SLC25A28: variants seen among roughly 807,000 people sequenced by gnomAD.
SLC25A28 encodes the protein mitoferrin-2.
Under a neutral mutation model 31.9 loss-of-function variants are expected in SLC25A28, and 10 were observed. The ratio of observed to expected loss-of-function variants is 0.31; its 90% CI spans 0.19 to 0.53. The LOEUF is 0.53. Among genes scored for constraint, SLC25A28 ranks in the 20% least tolerant of loss-of-function variants. The pLI is 0.95. For synonymous variants in SLC25A28, 208 were observed against 203.6 expected, an observed-to-expected ratio of 1.02 and a Z score of -0.19; for missense variants, 256 against 490.3, an observed-to-expected ratio of 0.52 and a Z score of 4.51.
upstream of SLC25A28, chr10:99,621,624 T>G (rs2052320): frequency 0.85 from 129,137 of 152,388 alleles, 54,907 homozygotes; most frequent in Middle Eastern, 0.92. Flanking sequence ...GACCTCCTGC[T>G]CTAGGGAGCA....
chr10:99,647,078 C>T, the SLC25A28 span, among the ~76,000 whole-genome samples: 1 of 152,162 alleles, frequency 6.6e-6, no homozygotes, highest in Non-Finnish European at 1.5e-5. Flanking sequence ...CTGATGGACA[C>T]AGTTTGATTT....
At chr10:99,635,797 AC>A in the SLC25A28 span, among the ~76,000 whole-genome samples, 6 of 152,242 alleles carry the variant, frequency 3.9e-5, no homozygotes, top group Non-Finnish European at 8.8e-5. Context: ...GCGAATGAAC[AC>A]CAAAAACAAG....
chr10:99,617,316 C>A, intron 1 of SLC25A28: 2 of 985,462 alleles, frequency 2.0e-6, no homozygotes, highest in Non-Finnish European at 2.4e-6. Context: ...TCCAGCAAGG[C>A]TACACTGACT....
the SLC25A28 span, among the ~76,000 whole-genome samples, chr10:99,643,463 CTTT>C: frequency 1.3e-4 from 20 of 151,944 alleles, no homozygotes; most frequent in African/African-American, 4.6e-4. Context: ...CTCTTTTCTT[CTTT>C]ATTAGTCTTG....
chr10:99,639,090 C>A, the SLC25A28 span, among the ~76,000 whole-genome samples: 1 of 151,432 alleles, frequency 6.6e-6, no homozygotes, highest in Non-Finnish European at 1.5e-5. Context: ...ATATATATTT[C>A]TCAACATATA....
At chr10:99,641,184 A>G in the SLC25A28 span, among the ~76,000 whole-genome samples, 3 of 152,236 alleles carry the variant, frequency 2.0e-5, no homozygotes, top group African/African-American at 7.2e-5. Context: ...TCCCACCAAC[A>G]GTGTAAAAGT....
intron 1 of SLC25A28, chr10:99,618,522 G>C (rs775212859): frequency 1.0e-6 from 1 of 985,374 alleles, no homozygotes; most frequent in Non-Finnish European, 1.2e-6. Flanking sequence ...ATTCAACCTA[G>C]AGTCTATACA....
chr10:99,645,688 G>A, the SLC25A28 span, among the ~76,000 whole-genome samples: 1 of 152,116 alleles, frequency 6.6e-6, no homozygotes, highest in South Asian at 2.1e-4. Flanking sequence ...CCATCTTTGT[G>A]GTTTTATCGA....
the SLC25A28 span, among the ~76,000 whole-genome samples, chr10:99,631,886 T>A: frequency 2.2e-4 from 22 of 98,554 alleles, no homozygotes; most frequent in African/African-American, 7.2e-4. Context: ...TTATTTTTTT[T>A]TTTTATTTTT....
chr10:99,612,004 T>TATC (rs1238889420), intron 3 of SLC25A28, among the ~76,000 whole-genome samples: 2 of 152,222 alleles, frequency 1.3e-5, no homozygotes, highest in African/African-American at 4.8e-5. Flanking sequence ...GCAACAATGC[T>TATC]ATCCCTTCAT....
chr10:99,650,605 C>G, the SLC25A28 span, among the ~76,000 whole-genome samples: 4 of 151,788 alleles, frequency 2.6e-5, no homozygotes, highest in Non-Finnish European at 5.9e-5. Flanking sequence ...GCAGTGTGAG[C>G]AAGAAGCTGT....
chr10:99,615,246 ACTCAGGAGGC>A (rs1179513169), intron 1 of SLC25A28, among the ~76,000 whole-genome samples: 4 of 151,784 alleles, frequency 2.6e-5, no homozygotes, highest in African/African-American at 9.7e-5. Flanking sequence ...AATCCCAGCT[ACTCAGGAGGC>A]AGGAGAATCG....
chr10:99,619,583 C>T (rs1177307187), intron 1 of SLC25A28, among the ~76,000 whole-genome samples: 20 of 152,196 alleles, frequency 1.3e-4, no homozygotes, highest in Non-Finnish European at 2.9e-5. Context: ...ATCCCAGATT[C>T]GGGTTCCTGC....
chr10:99,654,685 A>T, the SLC25A28 span, among the ~76,000 whole-genome samples: 45 of 152,226 alleles, frequency 3.0e-4, 1 homozygote, highest in East Asian at 7.3e-3. Context: ...CAACAAAAAG[A>T]TCACACCTGG....
At chr10:99,614,678 C>T (rs947755605) in intron 1 of SLC25A28, among the ~76,000 whole-genome samples, 4 of 152,172 alleles carry the variant, frequency 2.6e-5, no homozygotes, top group East Asian at 1.9e-4. Context: ...GGAATAAAAG[C>T]GTAGGGTAGA....
chr10:99,621,051 C>G (rs1171459669), upstream of SLC25A28: 42 of 926,122 alleles, frequency 4.5e-5, no homozygotes, highest in Non-Finnish European at 5.2e-5. Context: ...GGGCGTGAGG[C>G]GGGGCCGGCC....
chr10:99,616,326 A>G (rs926989609), intron 1 of SLC25A28: 34 of 781,494 alleles, frequency 4.4e-5, no homozygotes, highest in Non-Finnish European at 5.1e-5. Context: ...ATTGTCATCT[A>G]TAACATGAGG....
chr10:99,637,190 C>A, the SLC25A28 span, among the ~76,000 whole-genome samples: 1 of 152,010 alleles, frequency 6.6e-6, no homozygotes, highest in African/African-American at 2.4e-5. Flanking sequence ...AAACAAACCA[C>A]ATGATCATCT....
At chr10:99,648,687 T>TG in the SLC25A28 span, among the ~76,000 whole-genome samples, 1 of 45,422 alleles carries the variant, frequency 2.2e-5, no homozygotes, top group Non-Finnish European at 4.9e-5. Flanking sequence ...TATTCCTAGG[T>TG]TTTTTTTTTT....
Sources: gnomAD v4.1 joint callset for allele counts (sites outside exome capture counted in the v4.1 genomes callset) on GRCh38, gnomAD v4.1.1 for gene constraint, MANE v1.5 for transcripts, NCBI Gene and HGNC (gene_info 2026-07-23, HGNC 2026-07-21) for gene names.